Variants in GYG1 observed in about 807,000 individuals in gnomAD.
GYG1 encodes the protein glycogenin-1.
A neutral mutation model predicts 41.9 loss-of-function variants in GYG1; 44 were observed. That is an observed-to-expected ratio of 1.05 (90% confidence interval 0.83 to 1.35). The LOEUF is 1.35. GYG1 is among the 40% of genes most tolerant of loss of function. The pLI, the probability that GYG1 is intolerant of heterozygous loss-of-function variation, is 0.00. For missense variants in GYG1, 429 were observed against 418.9 expected (o/e 1.02, Z -0.21); for synonymous variants, 141 against 158.1 (o/e 0.89, Z 0.81).
intron 4 of GYG1, among the ~76,000 whole-genome samples, chr3:149,008,651 T>A (rs950463953): frequency 6.6e-6 from 1 of 152,182 alleles, no homozygotes; most frequent in African/African-American, 2.4e-5. Flanking sequence ...ATCTGTGTGA[T>A]GTTTGTTGAT....
intron 4 of GYG1, among the ~76,000 whole-genome samples, chr3:149,006,016 T>C (rs181718261): frequency 1.3e-5 from 2 of 152,120 alleles, no homozygotes; most frequent in African/African-American, 4.8e-5. Context: ...ATGGGTAGAT[T>C]GGTGTGACTA....
chr3:149,017,394 T>C (rs10935738), intron 5 of GYG1, among the ~76,000 whole-genome samples: 123,484 of 151,070 alleles, frequency 0.82, 51,009 homozygotes, highest in African/African-American at 0.93. Context: ...TGACATGTAC[T>C]CAACCTTTTT....
chr3:149,026,484 T>C lies in GYG1; in HGVS notation c.861T>C (p.Ser287=). Residue 287 remains serine, a synonymous_variant, in exon 7 of 8, where the codon TCT becomes TCC. Transcript: ENST00000345003. ...LSDLVYTLAF[S]CGFCRKEDVS... Reference sequence around the variant, plus strand: ...ACTTGGTCTATACACTGGCTTTCTCTTGTGGCTTCTGTAGAAAGGTATGCA... The same window carrying C: ...ACTTGGTCTATACACTGGCTTTCTCCTGTGGCTTCTGTAGAAAGGTATGCA... 1.2e-6 allele frequency: 2 copies of C among 1,605,862 alleles called. No homozygotes were observed. Among genetic ancestry groups the C allele is most frequent in the Non-Finnish European group, 1.7e-6 (2 of 1,172,474 alleles).
At chr3:148,998,886 A>C (rs1009175141) in intron 4 of GYG1, among the ~76,000 whole-genome samples, 2 of 152,194 alleles carry the variant, frequency 1.3e-5, no homozygotes, top group African/African-American at 2.4e-5. Flanking sequence ...AATTTGAAGG[A>C]AGTAAGTGTA....
rs113311454 is a variant in GYG1 at position 149,014,867 on chromosome 3, C to CAA, written c.608+5481_608+5482dup. On this transcript the variant is annotated intron_variant, in intron 5 of 7. Coordinates refer to ENST00000345003, the MANE Select transcript of GYG1 (RefSeq NM_004130.4). ...TGGGTGACAGAGCAAGACTCTGTCT[C>CAA]AAAAAAAAAAAAAAAAAGGCATAAC... is the stretch of plus-strand genomic sequence containing the variant. Among the ~76,000 whole-genome samples, 810 of 110,978 alleles carry CAA rather than the reference C, an allele frequency of 7.3e-3. 6 individuals are homozygous for CAA. The highest frequency in any genetic ancestry group is 0.011 in the Non-Finnish European group (561 of 51,686). The allele number at this position is 110,978 out of a possible 152,430, so 72.8% of individuals were successfully genotyped here.
rs1165111863 is a variant in GYG1 at position 149,028,406 on chromosome 3, G to A, written c.*1473G>A. Among the ~76,000 whole-genome samples the A allele has an allele frequency of 6.6e-6, 1 of 152,092 alleles. No homozygotes were observed. Among genetic ancestry groups the A allele is most frequent in the Non-Finnish European group, 1.5e-5 (1 of 68,004 alleles). On this transcript the variant is annotated 3_prime_UTR_variant, in exon 8 of 8. Coordinates refer to ENST00000345003, the MANE Select transcript of GYG1 (RefSeq NM_004130.4). ...TATTTGGACTGGTGAAGAATGAGTC[G>A]CTATTGATCTTCAAGTACAATGAAG...
intron 2 of GYG1, among the ~76,000 whole-genome samples, chr3:148,994,679 C>G (rs1271744264): frequency 6.6e-6 from 1 of 152,158 alleles, no homozygotes; most frequent in Non-Finnish European, 1.5e-5. Flanking sequence ...ATGTTGCAAA[C>G]TAGGGAAACT....
intron 5 of GYG1, among the ~76,000 whole-genome samples, chr3:149,017,672 T>C (rs972021396): frequency 6.8e-5 from 9 of 132,840 alleles, no homozygotes; most frequent in Admixed American, 5.4e-4. Flanking sequence ...CTTGGCTCAC[T>C]GCAACCTCCG....
intron 6 of GYG1, among the ~76,000 whole-genome samples, chr3:149,026,101 T>C (rs923156651): frequency 1.3e-5 from 2 of 152,212 alleles, no homozygotes; most frequent in African/African-American, 2.4e-5. Flanking sequence ...TGCTTACGTA[T>C]ATACGTAATT....
intron 4 of GYG1, among the ~76,000 whole-genome samples, chr3:149,008,428 C>A (rs1713529052): frequency 1.3e-5 from 2 of 152,234 alleles, no homozygotes; most frequent in African/African-American, 2.4e-5. Context: ...CTGCCCGCCA[C>A]AGGTCGGTGG....
intron 5 of GYG1, among the ~76,000 whole-genome samples, chr3:149,009,696 A>G (rs1358980688): frequency 1.3e-5 from 2 of 152,174 alleles, no homozygotes; most frequent in African/African-American, 4.8e-5. Context: ...CAGACTCTTA[A>G]GCTCTGCAGA....
At chr3:149,002,393 T>C (rs903933836) in intron 4 of GYG1, among the ~76,000 whole-genome samples, 1 of 152,230 alleles carries the variant, frequency 6.6e-6, no homozygotes. Context: ...AGAATAAATG[T>C]TTCCTTGCAA....
At chr3:149,006,176 G>A (rs1713395555) in intron 4 of GYG1, among the ~76,000 whole-genome samples, 1 of 144,448 alleles carries the variant, frequency 6.9e-6, no homozygotes, top group Admixed American at 7.3e-5. Flanking sequence ...TCTGCCTCCC[G>A]GGTTCCAGCT....
At chr3:149,015,057 T>C (rs1713941994) in intron 5 of GYG1, among the ~76,000 whole-genome samples, 1 of 152,154 alleles carries the variant, frequency 6.6e-6, no homozygotes, top group African/African-American at 2.4e-5. Context: ...AATCAGGTAT[T>C]TGGTAGGATA....
intron 5 of GYG1, among the ~76,000 whole-genome samples, chr3:149,021,554 T>G (rs1714375924): frequency 6.6e-6 from 1 of 152,194 alleles, no homozygotes; most frequent in Non-Finnish European, 1.5e-5. Flanking sequence ...TGGTAAGTGC[T>G]CATGCCTTAG....
chr3:149,026,760 G>C lies in GYG1; in HGVS notation c.880G>C (p.Glu294Gln), dbSNP rs748775464. Residue 294 changes from glutamate to glutamine, a missense_variant and splice_region_variant, in exon 8 of 8, where the codon GAA becomes CAA. Glu to Gln is a conservative substitution (Grantham distance 29, BLOSUM62 2). Transcript: ENST00000345003. ...LAFSCGFCRK[E>Q]DVSGAISHLS... Reference sequence around the variant, plus strand: ...GAGTCAATTATGCTTTCCTTTCTAGGAAGATGTCTCAGGAGCCATATCACA... The same window carrying C: ...GAGTCAATTATGCTTTCCTTTCTAGCAAGATGTCTCAGGAGCCATATCACA... The C allele has an allele frequency of 3.8e-5, 61 of 1,594,238 alleles. No individual in the cohort carries two copies. The highest frequency in any genetic ancestry group is 5.2e-5 in the Non-Finnish European group (60 of 1,162,188).
At chr3:149,024,421 A>G (rs1714540606) in intron 6 of GYG1, 149 bp downstream of exon 6, 2 of 665,600 alleles carry the variant, frequency 3.0e-6, no homozygotes, top group Non-Finnish European at 5.4e-6. Flanking sequence ...CTTAGGAGAA[A>G]CATTACCAGC....
chr3:149,027,075 T>A lies in GYG1; in HGVS notation c.*142T>A. On this transcript the variant is annotated 3_prime_UTR_variant, in exon 8 of 8. Coordinates refer to ENST00000345003, the MANE Select transcript of GYG1 (RefSeq NM_004130.4). ...TATCAGATGAGAGGCTTTTTTAGGATAAGAGGTGAGAACTGGGCAAAAGTT... is the reference window on the plus strand; with the variant it reads ...TATCAGATGAGAGGCTTTTTTAGGAAAAGAGGTGAGAACTGGGCAAAAGTT... 1.2e-6 allele frequency: 1 copy of A among 844,766 alleles called. No homozygotes were observed. Among genetic ancestry groups the A allele is most frequent in the Non-Finnish European group, 1.9e-6 (1 of 525,868 alleles). 52.3% of individuals were successfully genotyped at this position (844,766 alleles called of 1,614,324 possible). A position where few individuals can be genotyped will look rare whatever the true frequency, so the allele number is the denominator to read the frequency against.
At chr3:149,006,509 A>T (rs1414125325) in intron 4 of GYG1, among the ~76,000 whole-genome samples, 2 of 152,204 alleles carry the variant, frequency 1.3e-5, no homozygotes, top group Non-Finnish European at 2.9e-5. Flanking sequence ...ATAGTATATA[A>T]CTTTGTGAGA....
Sources: gnomAD v4.1 joint callset for allele counts (sites outside exome capture counted in the v4.1 genomes callset) on GRCh38, gnomAD v4.1.1 for gene constraint, MANE v1.5 for transcripts, NCBI Gene and HGNC (gene_info 2026-07-23, HGNC 2026-07-21) for gene names.